The following DENND2B variants were observed in gnomAD, a reference collection of about 807,000 sequenced individuals.
DENND2B encodes DENN domain-containing protein 2B.
A neutral mutation model predicts 116.0 loss-of-function variants in DENND2B; 32 were observed. The ratio of observed to expected loss-of-function variants is 0.28; its 90% CI spans 0.21 to 0.37. DENND2B has a LOEUF of 0.37. Among genes scored for constraint, DENND2B ranks in the 10% least tolerant of loss-of-function variants. The pLI, the probability that DENND2B is intolerant of heterozygous loss-of-function variation, is 1.00. For synonymous variants in DENND2B, 588 were observed against 583.9 expected (o/e 1.01, Z -0.10); for missense variants, 1,276 against 1,477.7 (o/e 0.86, Z 2.24).
intron 1 of DENND2B, among the ~76,000 whole-genome samples, chr11:8,907,131 A>G (rs1169484404): frequency 2.0e-5 from 3 of 152,244 alleles, no homozygotes; most frequent in Admixed American, 6.5e-5. Flanking sequence ...CCTCCAAAAC[A>G]TAGAACCCTG....
Position 8,707,276 on chromosome 11 carries a change from T to C in DENND2B, c.2431-51A>G, listed in dbSNP as rs1207395664. Reference sequence around the variant, plus strand: ...GAGGAAGGGTGTCAGGGCACTGCCCTTCCCCCTCCTGGCAGAGAAGAGGGC... The same window carrying C: ...GAGGAAGGGTGTCAGGGCACTGCCCCTCCCCCTCCTGGCAGAGAAGAGGGC... On this transcript the variant is annotated intron_variant, in intron 12 of 19. Coordinates refer to ENST00000313726, the MANE Select transcript of DENND2B (RefSeq NM_213618.2). This position sits in a 1 kb window ranked among gnomAD's most constrained non-coding sequence, Gnocchi z 4.8. 6 of 1,572,244 alleles carry C rather than the reference T, an allele frequency of 3.8e-6. No individual in the cohort carries two copies. The highest frequency in any genetic ancestry group is 1.7e-4 in the Middle Eastern group (1 of 5,842).
At chr11:8,752,861 A>C (rs1398597694) in intron 1 of DENND2B, among the ~76,000 whole-genome samples, 1 of 152,222 alleles carries the variant, frequency 6.6e-6, no homozygotes, top group Admixed American at 6.5e-5. Flanking sequence ...TGTATGTAGA[A>C]AATCCTAAGG....
At chr11:8,859,116 G>T (rs986560841) in intron 2 of DENND2B, among the ~76,000 whole-genome samples, 1 of 152,024 alleles carries the variant, frequency 6.6e-6, no homozygotes, top group Non-Finnish European at 1.5e-5. Context: ...CCTTGTCTGG[G>T]GCTCCAAACC....
intron 18 of DENND2B, chr11:8,695,889 C>A (rs2040266724): frequency 2.7e-6 from 1 of 364,156 alleles, no homozygotes; most frequent in African/African-American, 2.0e-5. Context: ...GGTTGTTATA[C>A]TAAATGGATA....
chr11:8,872,718 C>T (rs1457882605), upstream of DENND2B, among the ~76,000 whole-genome samples: 1 of 152,036 alleles, frequency 6.6e-6, no homozygotes, highest in African/African-American at 2.4e-5. Context: ...ATGCAGTCTG[C>T]GCATGAAAAA....
At chr11:8,718,404 G>T in intron 4 of DENND2B, 1 of 1,531,810 alleles carries the variant, frequency 6.5e-7, no homozygotes, top group South Asian at 1.2e-5. Flanking sequence ...TAGGGAGCAG[G>T]GCTTCGCCAG....
intron 5 of DENND2B, 101 bp from the exon 6 acceptor site, chr11:8,715,919 C>T: frequency 8.9e-7 from 1 of 1,121,732 alleles, no homozygotes. Flanking sequence ...GCCGGCATCC[C>T]TGGATCCCCG....
intron 3 of DENND2B, among the ~76,000 whole-genome samples, chr11:8,845,892 G>T (rs1183714964): frequency 6.6e-6 from 1 of 151,974 alleles, no homozygotes; most frequent in African/African-American, 2.4e-5. Context: ...CAGCCTAAAT[G>T]TGCTCAATAA....
chr11:8,845,608 C>A (rs2062783780), intron 3 of DENND2B, among the ~76,000 whole-genome samples: 1 of 152,154 alleles, frequency 6.6e-6, no homozygotes, highest in African/African-American at 2.4e-5. Flanking sequence ...ACACAAACAG[C>A]AAGACTCCAG....
At chr11:8,868,782 C>G (rs2063672226) in intron 2 of DENND2B, among the ~76,000 whole-genome samples, 1 of 152,184 alleles carries the variant, frequency 6.6e-6, no homozygotes, top group Admixed American at 6.5e-5. Flanking sequence ...CAACTCTCCA[C>G]CAGTTTCAGA....
In DENND2B at chr11:8,730,448, A is replaced by C; in HGVS notation, c.842T>G (p.Val281Gly). 1 of 1,610,494 alleles carries C rather than the reference A, an allele frequency of 6.2e-7. No homozygotes were observed. The highest frequency in any genetic ancestry group is 8.5e-7 in the Non-Finnish European group (1 of 1,179,930). Residue 281 changes from valine (V) to glycine (G), a missense_variant, in exon 3 of 20, where the codon GTG becomes GGG. This residue lies in a region of DENND2B where 856 missense variants were observed against 846.6 expected (regional missense o/e 1.01). Transcript: ENST00000313726. The surrounding 1 kb of genome is among the most constrained non-coding windows in gnomAD (Gnocchi z 4.1). ...TTCAATTTTCTGGATCCGGCTCAGCACTGCTGAGCTCTCCTTCCTGCTGCC... is the reference window on the plus strand; with the variant it reads ...TTCAATTTTCTGGATCCGGCTCAGCCCTGCTGAGCTCTCCTTCCTGCTGCC... ...GHGSRKESSA[V>G]LSRIQKIEQV...
At chr11:8,866,592 A>AAAATACAAACTGGG (rs2063588940) in intron 2 of DENND2B, among the ~76,000 whole-genome samples, 1 of 152,218 alleles carries the variant, frequency 6.6e-6, no homozygotes, top group Non-Finnish European at 1.5e-5. Context: ...CAGGTGACAC[A>AAAATACAAACTGGG]AAATACAAAC....
At chr11:8,810,012 G>C (rs2061245569) in intron 1 of DENND2B, 1 of 150,930 alleles carries the variant, frequency 6.6e-6, no homozygotes, top group Non-Finnish European at 1.5e-5. Flanking sequence ...AGAGGGACTT[G>C]GAACTCACCA....
intron 2 of DENND2B, among the ~76,000 whole-genome samples, chr11:8,736,834 A>C (rs951867114): frequency 6.6e-6 from 1 of 152,208 alleles, no homozygotes; most frequent in Non-Finnish European, 1.5e-5. Flanking sequence ...GCCACTGATA[A>C]GACTTGGGCT....
intron 1 of DENND2B, among the ~76,000 whole-genome samples, chr11:8,803,932 G>C (rs934071386): frequency 6.6e-6 from 1 of 152,194 alleles, no homozygotes; most frequent in Admixed American, 6.5e-5. Context: ...GGAGCACTGA[G>C]AGCAGCTTGT....
intron 1 of DENND2B, among the ~76,000 whole-genome samples, chr11:8,753,355 A>T (rs2052913417): frequency 6.6e-6 from 1 of 152,252 alleles, no homozygotes; most frequent in African/African-American, 2.4e-5. Flanking sequence ...CTTAGAAATA[A>T]ATAAAAGGAA....
chr11:8,758,685 ACTCCTAT>A (rs2054033975), intron 1 of DENND2B, among the ~76,000 whole-genome samples: 1 of 152,112 alleles, frequency 6.6e-6, no homozygotes, highest in African/African-American at 2.4e-5. Flanking sequence ...CACTGTGTGC[ACTCCTAT>A]ATGACAACAG....
At chr11:8,765,230 A>G (rs975171919) in intron 1 of DENND2B, among the ~76,000 whole-genome samples, 1 of 151,978 alleles carries the variant, frequency 6.6e-6, no homozygotes, top group Admixed American at 6.6e-5. Flanking sequence ...CACCTGCCCA[A>G]CTCCTTTAAG....
intron 3 of DENND2B, 106 bp from the exon 4 acceptor site, chr11:8,726,315 G>T (rs1592772655): frequency 7.0e-7 from 1 of 1,437,942 alleles, no homozygotes; most frequent in East Asian, 2.4e-5. Context: ...CCTTACAAAG[G>T]CAGCTTCTGA....
Sources: allele counts gnomAD v4.1 joint callset (sites outside exome capture counted in the v4.1 genomes callset), GRCh38; gene constraint gnomAD v4.1.1; regional missense constraint gnomAD v4.1.1; non-coding constraint Gnocchi (gnomAD v3.1); transcripts MANE v1.5; gene names NCBI Gene and HGNC (gene_info 2026-07-23, HGNC 2026-07-21).